The following GNPTAB variants were observed in gnomAD, a reference collection of about 807,000 sequenced individuals.
GNPTAB encodes the protein N-acetylglucosamine-1-phosphotransferase subunits alpha/beta.
A neutral mutation model predicts 136.6 loss-of-function variants in GNPTAB; 92 were observed. The observed-to-expected ratio is 0.67, with a 90% CI of 0.57 to 0.80. GNPTAB has a LOEUF of 0.80. Ranked by LOEUF, GNPTAB falls within the 30% of genes least tolerant of loss-of-function variation. The pLI, the probability that GNPTAB is intolerant of heterozygous loss-of-function variation, is 0.00. For missense variants in GNPTAB, 1,343 were observed against 1,501.8 expected (o/e 0.89, Z 1.75); for synonymous variants, 512 against 535.1 (o/e 0.96, Z 0.60).
At chr12:101,765,520 C>T (rs1953077261) in intron 12 of GNPTAB, 1 of 564,318 alleles carries the variant, frequency 1.8e-6, no homozygotes. Context: ...TGAGTTTTCA[C>T]TTTCTAAGAG....
rs1056521937 is a variant in GNPTAB at position 101,806,730 on chromosome 12, G to GA, written c.118-9969dup. ...CACATGATCCAAAAACTCAAAAAAC[G>GA]AGAGAGGTCATCTGAATAGGGCTAT... On this transcript the variant is annotated intron_variant, in intron 1 of 20. Transcript: ENST00000299314. Among the ~76,000 whole-genome samples, 3 of 152,126 alleles carry GA rather than the reference G, an allele frequency of 2.0e-5. No homozygotes were observed. In the East Asian group the frequency reaches 5.8e-4, roughly 29 times the overall value.
intron 20 of GNPTAB, among the ~76,000 whole-genome samples, chr12:101,747,520 C>G (rs1190415371): frequency 6.6e-6 from 1 of 152,152 alleles, no homozygotes; most frequent in Non-Finnish European, 1.5e-5. Context: ...AGACCTACAA[C>G]TACAGATTTT....
chr12:101,768,069 G>GA lies in GNPTAB; in HGVS notation c.1375dup (p.Ser459PhefsTer48). ...ATCCCCACCATCCCAATCGCAGGCT[G>GA]AATTATTACAAGCCTTGTCACAATA... is the stretch of plus-strand genomic sequence containing the variant. On this transcript the variant is annotated frameshift_variant, in exon 11 of 21. Transcript: ENST00000299314. LOFTEE classifies it high-confidence loss of function. The GA allele has an allele frequency of 6.2e-7, 1 of 1,614,100 alleles. No individual in the cohort carries two copies.
At chr12:101,752,563 C>T (rs897674969) in intron 19 of GNPTAB, among the ~76,000 whole-genome samples, 15 of 152,338 alleles carry the variant, frequency 9.8e-5, no homozygotes, top group Admixed American at 2.6e-4. Context: ...TCCAGGTTTA[C>T]ACTCCACTAT....
At chr12:101,822,392 C>CAA (rs1870858521) in intron 1 of GNPTAB, among the ~76,000 whole-genome samples, 1 of 152,018 alleles carries the variant, frequency 6.6e-6, no homozygotes, top group African/African-American at 2.4e-5. Flanking sequence ...CCAACCTGGG[C>CAA]GACAGCGAGA....
intron 5 of GNPTAB, among the ~76,000 whole-genome samples, chr12:101,785,351 T>C (rs1356875159): frequency 1.3e-5 from 2 of 152,210 alleles, no homozygotes; most frequent in East Asian, 3.8e-4. Flanking sequence ...TACAGGCACA[T>C]ACCACCATGT....
At chr12:101,795,476 A>ATT (rs1869225047) in intron 2 of GNPTAB, among the ~76,000 whole-genome samples, 1 of 152,180 alleles carries the variant, frequency 6.6e-6, no homozygotes, top group African/African-American at 2.4e-5. Context: ...GAATAGGCCG[A>ATT]GAGCGGTGAT....
intron 1 of GNPTAB, among the ~76,000 whole-genome samples, chr12:101,802,348 G>C (rs1869691758): frequency 6.6e-6 from 1 of 152,062 alleles, no homozygotes; most frequent in South Asian, 2.1e-4. Flanking sequence ...CATTGCCAGG[G>C]AACTTCCAGA....
At position 101,760,786 on chromosome 12, in the gene GNPTAB, T is replaced by C. The variant is rs117819072; in HGVS notation, c.3135+341A>G. ...CAGAATTAAAATTTTCTTTTCTTTT[T>C]TTTTTTTTTTTGAGACAGAGTCTCA... On this transcript the variant is annotated intron_variant, in intron 15 of 20. Transcript: ENST00000299314. Among the ~76,000 whole-genome samples, 164 of 150,892 alleles carry C rather than the reference T, an allele frequency of 1.1e-3. No individual in the cohort carries two copies. The East Asian group carries it at 0.029, about 27-fold the overall frequency.
At chr12:101,797,610 C>A (rs918125974) in intron 1 of GNPTAB, among the ~76,000 whole-genome samples, 2 of 152,144 alleles carry the variant, frequency 1.3e-5, no homozygotes, top group South Asian at 4.1e-4. Context: ...GGCAACAGAG[C>A]GAGACTTCAT....
rs771144768 is a variant in GNPTAB, at chr12:101,766,160, C to T, written c.1543G>A (p.Ala515Thr). Residue 515 changes from alanine (A) to threonine (T), a missense_variant, in exon 12 of 21, where the codon GCT becomes ACT. Coordinates refer to ENST00000299314, the MANE Select transcript of GNPTAB (RefSeq NM_024312.5). ...CNQGCANSWLADKFCDQACNV... is the reference protein window; with the variant it reads ...CNQGCANSWLTDKFCDQACNV... ...CATGCTTGGTCACAGAACTTATCAGCGAGCCAGGAATTCGCACATCCCTGA... is the reference window on the plus strand; with the variant it reads ...CATGCTTGGTCACAGAACTTATCAGTGAGCCAGGAATTCGCACATCCCTGA... The T allele has an allele frequency of 1.2e-5, 19 of 1,614,154 alleles. No individual in the cohort carries two copies. Among genetic ancestry groups the T allele is most frequent in the East Asian group, 2.2e-5 (1 of 44,890 alleles).
intron 1 of GNPTAB, among the ~76,000 whole-genome samples, chr12:101,797,072 AC>A (rs1304921623): frequency 6.6e-6 from 1 of 152,158 alleles, no homozygotes; most frequent in Non-Finnish European, 1.5e-5. Flanking sequence ...GGAAAAAAGG[AC>A]AGGGCCAGCC....
chr12:101,760,197 G>A (rs1468669216), intron 15 of GNPTAB, 54 bp from the exon 16 acceptor site: 12 of 1,109,690 alleles, frequency 1.1e-5, no homozygotes, highest in Non-Finnish European at 1.4e-6. Context: ...TAATGACTGT[G>A]GTTTTAAAAA....
Position 101,768,036 on chromosome 12 carries a change from C to A in GNPTAB, c.1408+1G>T, listed in dbSNP as rs1060499680. 6.2e-7 allele frequency: 1 copy of A among 1,614,034 alleles called. No homozygotes were observed. Among genetic ancestry groups the A allele is most frequent in the South Asian group, 1.1e-5 (1 of 91,080 alleles). ...CGAATTACAGTTTAACACATCCTTACCAGAGCAATCCCCACCATCCCAATC... is the reference window on the plus strand; with the variant it reads ...CGAATTACAGTTTAACACATCCTTAACAGAGCAATCCCCACCATCCCAATC... On this transcript the variant is annotated splice_donor_variant, in intron 11 of 20. Coordinates refer to ENST00000299314, the MANE Select transcript of GNPTAB (RefSeq NM_024312.5). LOFTEE classifies it high-confidence loss of function.
intron 1 of GNPTAB, among the ~76,000 whole-genome samples, chr12:101,798,774 T>C (rs1427952647): frequency 6.6e-6 from 1 of 152,196 alleles, no homozygotes; most frequent in Non-Finnish European, 1.5e-5. Context: ...CGTGAGCAGT[T>C]TGTCTCTCTA....
At position 101,764,538 on chromosome 12, in the gene GNPTAB, C is replaced by G; in HGVS notation, c.2379G>C (p.Val793=). 6.2e-7 allele frequency: 1 copy of G among 1,613,228 alleles called. No individual in the cohort carries two copies. The highest frequency in any genetic ancestry group is 8.5e-7 in the Non-Finnish European group (1 of 1,179,724). The part of the protein sequence containing the change: ...ERLQRLTFPA[V]SVKVNGHDQG... Reference sequence around the variant, plus strand: ...GGTCATGACCATTCACTTTTACACTCACTGCAGGAAAAGTCAACCTCTGCA... The same window carrying G: ...GGTCATGACCATTCACTTTTACACTGACTGCAGGAAAAGTCAACCTCTGCA... The change falls in exon 13 of 21, where the codon GTG becomes GTC. Residue 793 remains valine, a synonymous_variant. Coordinates refer to ENST00000299314, the MANE Select transcript of GNPTAB (RefSeq NM_024312.5).
At chr12:101,752,195 G>A (rs1362679777) in intron 19 of GNPTAB, among the ~76,000 whole-genome samples, 3 of 152,164 alleles carry the variant, frequency 2.0e-5, no homozygotes, top group Non-Finnish European at 2.9e-5. Context: ...AGCCTGAGGC[G>A]GGAGGATCGC....
intron 1 of GNPTAB, among the ~76,000 whole-genome samples, chr12:101,812,806 ATTTATT>A (rs892394559): frequency 6.6e-6 from 1 of 151,982 alleles, no homozygotes; most frequent in African/African-American, 2.4e-5. Context: ...GAAAATATTT[ATTTATT>A]TTTGATTGTA....
intron 2 of GNPTAB, chr12:101,795,975 A>C: frequency 2.6e-6 from 1 of 380,990 alleles, no homozygotes; most frequent in Non-Finnish European, 4.7e-6. Context: ...AAATCCCCAA[A>C]GACAAGAAAT....
Sources: allele counts gnomAD v4.1 joint callset (sites outside exome capture counted in the v4.1 genomes callset), GRCh38; gene constraint gnomAD v4.1.1; transcripts MANE v1.5; gene names NCBI Gene and HGNC (gene_info 2026-07-23, HGNC 2026-07-21).